Variants in WDR64 observed in about 807,000 individuals in gnomAD.
WDR64 encodes the protein WD repeat domain 64.
WDR64 carries 112 observed loss-of-function variants against 139.3 expected under a neutral mutation model. The observed-to-expected ratio is 0.80, with a 90% confidence interval of 0.69 to 0.94. WDR64 has a LOEUF of 0.94. Ranked by LOEUF, WDR64 falls within the 40% of genes least tolerant of loss-of-function variation. WDR64 has a pLI of 0.00. For missense variants in WDR64, 1,206 were observed against 1,293.1 expected (o/e 0.93, Z 1.03); for synonymous variants, 444 against 437.7 (o/e 1.01, Z -0.18).
At chr1:241,722,723 T>G (rs1442101416) in intron 9 of WDR64, among the ~76,000 whole-genome samples, 2 of 152,186 alleles carry the variant, frequency 1.3e-5, no homozygotes, top group Non-Finnish European at 2.9e-5. Flanking sequence ...GGAAAAGACA[T>G]TTTTATAAAA....
intron 14 of WDR64, among the ~76,000 whole-genome samples, chr1:241,751,354 A>C (rs1452084241): frequency 6.6e-6 from 1 of 152,192 alleles, no homozygotes; most frequent in East Asian, 1.9e-4. Flanking sequence ...TTTGCCCAGA[A>C]ACTGGAAGGT....
intron 9 of WDR64, among the ~76,000 whole-genome samples, chr1:241,712,239 T>G (rs1296367408): frequency 6.6e-6 from 1 of 152,130 alleles, no homozygotes; most frequent in Non-Finnish European, 1.5e-5. Flanking sequence ...TGCGTGTGCC[T>G]TTTTCTGGAG....
At chr1:241,657,275 C>T (rs908738668) in intron 1 of WDR64, among the ~76,000 whole-genome samples, 1 of 152,130 alleles carries the variant, frequency 6.6e-6, no homozygotes, top group Non-Finnish European at 1.5e-5. Context: ...TGCAATTGCC[C>T]TCCACTAGTT....
At chr1:241,792,567 A>T (rs1299956328) in intron 25 of WDR64, among the ~76,000 whole-genome samples, 4 of 151,970 alleles carry the variant, frequency 2.6e-5, no homozygotes, top group African/African-American at 9.7e-5. Context: ...AAATAAAATA[A>T]AAATTAACAA....
chr1:241,695,986 C>A (rs145448039), intron 8 of WDR64, among the ~76,000 whole-genome samples: 1 of 151,308 alleles, frequency 6.6e-6, no homozygotes, highest in Non-Finnish European at 1.5e-5. Context: ...TGGTGGCATG[C>A]GCCTGTGGTC....
At chr1:241,711,439 AG>A (rs949425905) in intron 8 of WDR64, among the ~76,000 whole-genome samples, 5 of 152,220 alleles carry the variant, frequency 3.3e-5, no homozygotes, top group Middle Eastern at 3.4e-3. Context: ...AGTGTCCAAA[AG>A]GGTTCCTGGC....
chr1:241,785,395 A>C (rs1235943206), intron 23 of WDR64, among the ~76,000 whole-genome samples: 5 of 152,186 alleles, frequency 3.3e-5, no homozygotes. Context: ...GAAAGAGGCA[A>C]ACAAGCTCCC....
chr1:241,762,329 C>A (rs1657952092), intron 15 of WDR64, among the ~76,000 whole-genome samples: 1 of 151,892 alleles, frequency 6.6e-6, no homozygotes. Context: ...AGTAAAGTAG[C>A]TGTATATGTT....
chr1:241,731,280 G>A (rs1258170961), intron 10 of WDR64, among the ~76,000 whole-genome samples: 1 of 151,906 alleles, frequency 6.6e-6, no homozygotes, highest in African/African-American at 2.4e-5. Flanking sequence ...AGGCTGAAGC[G>A]GGAGGATCAC....
intron 14 of WDR64, among the ~76,000 whole-genome samples, chr1:241,751,642 A>G (rs375994600): frequency 2.4e-4 from 36 of 152,170 alleles, no homozygotes; most frequent in East Asian, 1.2e-3. Context: ...CGGCTTAAAT[A>G]TAATATCTCT....
At chr1:241,738,218 C>A (rs1669397761) in intron 10 of WDR64, 145 bp from the exon 11 acceptor site, 1 of 1,019,544 alleles carries the variant, frequency 9.8e-7, no homozygotes, top group Non-Finnish European at 1.4e-6. Context: ...TAAATTGGAG[C>A]TTAGCAAATG....
intron 1 of WDR64, among the ~76,000 whole-genome samples, chr1:241,653,364 A>C (rs1665439445): frequency 6.6e-6 from 1 of 152,134 alleles, no homozygotes; most frequent in Non-Finnish European, 1.5e-5. Flanking sequence ...GCTGCATAGT[A>C]ATTTGTAAGT....
intron 15 of WDR64, among the ~76,000 whole-genome samples, chr1:241,760,628 G>GAAAT (rs1209061650): frequency 6.7e-6 from 1 of 150,070 alleles, no homozygotes; most frequent in East Asian, 1.9e-4. Context: ...AAGATATGAA[G>GAAAT]AAATAGTCCA....
Position 241,766,232 on chromosome 1 carries a change from T to C in WDR64, c.1962T>C (p.Asp654=). 1 of 1,613,950 alleles carries C rather than the reference T, an allele frequency of 6.2e-7. No individual in the cohort carries two copies. The highest frequency in any genetic ancestry group is 1.7e-5 in the Admixed American group (1 of 60,000). ...FSQPTDNPTM[D]LLRVNCIDLL... ...TCGTTCTTCAGAATCCCACCATGGA[T>C]TTATTACGAGTGAACTGCATTGATT... is the stretch of plus-strand genomic sequence containing the variant. The change falls in exon 16 of 28, where the codon GAT becomes GAC. Residue 654 remains aspartate (D), a synonymous_variant. Coordinates refer to ENST00000437684, the MANE Select transcript of WDR64 (RefSeq NM_001367482.1).
At chr1:241,744,744 G>C (rs547572587) in intron 13 of WDR64, among the ~76,000 whole-genome samples, 79 of 152,182 alleles carry the variant, frequency 5.2e-4, no homozygotes, top group Non-Finnish European at 6.6e-4. Context: ...CATTTACATA[G>C]TTGCTTTAAC....
chr1:241,730,407 A>G (rs1558495386), intron 10 of WDR64, among the ~76,000 whole-genome samples: 1 of 152,058 alleles, frequency 6.6e-6, no homozygotes, highest in South Asian at 2.1e-4. Context: ...GCTGTTTGTG[A>G]TTGTTGCCCT....
chr1:241,724,819 C>T (rs962701079), intron 10 of WDR64, among the ~76,000 whole-genome samples: 8 of 152,090 alleles, frequency 5.3e-5, no homozygotes, highest in African/African-American at 1.7e-4. Flanking sequence ...AAGTGCCAGG[C>T]GCTGTGCTAA....
chr1:241,716,898 G>A lies in WDR64; in HGVS notation c.1054+5017G>A, dbSNP rs1668425488. 1.3e-5 allele frequency among the ~76,000 whole-genome samples: 2 copies of A among 152,136 alleles called. 1 individual carries two copies. The highest frequency in any genetic ancestry group is 4.1e-4 in the South Asian group (2 of 4,820). ...AACGGACAAAGCCATTAGTTTAAGA[G>A]GCCTAGATATTTCTCAGGTGGCAGA... is the stretch of plus-strand genomic sequence containing the variant. On this transcript the variant is annotated intron_variant, in intron 9 of 27. Transcript: ENST00000437684.
rs4046210 is a variant in WDR64, at chr1:241,799,202, C to CAAAAA, written c.3193-1913_3193-1909dup. ...GAAACACAGTGAGACTTTGTCTCTC[C>CAAAAA]AAAAAAAAAAAAAAAAAAAAATACA... On this transcript the variant is annotated intron_variant, in intron 27 of 27. Transcript: ENST00000437684. 5.9e-3 allele frequency among the ~76,000 whole-genome samples: 197 copies of CAAAAA among 33,322 alleles called. 21 individuals are homozygous for CAAAAA. The highest frequency in any genetic ancestry group is 0.019 in the African/African-American group (126 of 6,526). The allele number at this position is 33,322 out of a possible 152,430, so 21.9% of individuals were successfully genotyped here.
Sources: gnomAD v4.1 joint callset for allele counts (sites outside exome capture counted in the v4.1 genomes callset) on GRCh38, gnomAD v4.1.1 for gene constraint, MANE v1.5 for transcripts, NCBI Gene and HGNC (gene_info 2026-07-23, HGNC 2026-07-21) for gene names.